CLSTN1: variants seen among roughly 807,000 people sequenced by gnomAD.
CLSTN1 encodes calsyntenin-1.
A neutral mutation model predicts 108.3 loss-of-function variants in CLSTN1; 28 were observed. The ratio of observed to expected loss-of-function variants is 0.26; its 90% CI spans 0.19 to 0.35. The LOEUF is 0.35. Ranked by LOEUF, CLSTN1 falls within the 10% of genes least tolerant of loss-of-function variation. CLSTN1 has a pLI of 1.00. For synonymous variants in CLSTN1, 524 were observed against 534.9 expected, an observed-to-expected ratio of 0.98 and a Z score of 0.28; for missense variants, 1,157 against 1,302.6, an observed-to-expected ratio of 0.89 and a Z score of 1.72.
intron 1 of CLSTN1, among the ~76,000 whole-genome samples, chr1:9,821,202 G>A (rs1655176765): frequency 6.6e-6 from 1 of 152,104 alleles, no homozygotes; most frequent in African/African-American, 2.4e-5. Context: ...GCGCAATCTC[G>A]GCTCACTGCA....
intron 1 of CLSTN1, among the ~76,000 whole-genome samples, chr1:9,774,964 C>A (rs1215250203): frequency 2.6e-5 from 4 of 152,160 alleles, no homozygotes; most frequent in African/African-American, 9.6e-5. Context: ...ACAGTAACTT[C>A]CTCACGTTGC....
chr1:9,801,744 T>C (rs928347620), intron 1 of CLSTN1, among the ~76,000 whole-genome samples: 5 of 152,202 alleles, frequency 3.3e-5, no homozygotes, highest in Admixed American at 1.3e-4. Flanking sequence ...TTAGTAGAGA[T>C]GCGGTTTCTC....
chr1:9,742,185 C>T (rs1651017514), intron 9 of CLSTN1, among the ~76,000 whole-genome samples: 1 of 151,930 alleles, frequency 6.6e-6, no homozygotes, highest in Non-Finnish European at 1.5e-5. Flanking sequence ...CATTGACTGG[C>T]TATTTGATCG....
Position 9,735,007 on chromosome 1 carries a change from A to G in CLSTN1, c.2051T>C (p.Ile684Thr). The change falls in exon 14 of 19, where the codon ATC becomes ACC. Residue 684 changes from isoleucine (I) to threonine (T), a missense_variant. Transcript: ENST00000377298. ...EGVFLFPELR[I>T]ISTITREVEP... ...CACTTCTCTCGTGATGGTGCTGATGATGCGAAGCTCAGGGAAAAGGAACAC... is the reference window on the plus strand; with the variant it reads ...CACTTCTCTCGTGATGGTGCTGATGGTGCGAAGCTCAGGGAAAAGGAACAC... The G allele has an allele frequency of 6.2e-7, 1 of 1,614,192 alleles. No individual in the cohort carries two copies. Among genetic ancestry groups the G allele is most frequent in the Non-Finnish European group, 8.5e-7 (1 of 1,180,042 alleles).
rs1557689056 is a variant in CLSTN1, at chr1:9,733,437, C to T, written c.2391G>A (p.Leu797=). The change falls in exon 16 of 19, where the codon CTG becomes CTA. Residue 797 remains leucine (L), a synonymous_variant. Coordinates refer to ENST00000377298, the MANE Select transcript of CLSTN1 (RefSeq NM_001009566.3). ...DRKFKLICSE[L]NGRYISNEFK... ...ATTCGTTGCTGATGTAGCGGCCATTCAGCTCTGAGCAGATGAGCTTAAACT... is the reference window on the plus strand; with the variant it reads ...ATTCGTTGCTGATGTAGCGGCCATTTAGCTCTGAGCAGATGAGCTTAAACT... The T allele has an allele frequency of 6.2e-7, 1 of 1,614,218 alleles. No individual in the cohort carries two copies. The highest frequency in any genetic ancestry group is 8.5e-7 in the Non-Finnish European group (1 of 1,180,038).
Position 9,729,160 on chromosome 1 carries a change from CAG to C in CLSTN1, c.*1346_*1347del, listed in dbSNP as rs1250129909. Reference sequence around the variant, plus strand: ...CGTGAGCGTCTGTCCGCTGTCTAAACAGAGCAGCTACAGGGACGGGACATGGA... The same window carrying C: ...CGTGAGCGTCTGTCCGCTGTCTAAACAGCAGCTACAGGGACGGGACATGGA... On this transcript the variant is annotated 3_prime_UTR_variant, in exon 19 of 19. Transcript: ENST00000377298. The C allele has an allele frequency of 6.6e-6, 1 of 152,268 alleles. No individual in the cohort carries two copies. Among genetic ancestry groups the C allele is most frequent in the African/African-American group, 2.4e-5 (1 of 41,448 alleles). 9.4% of individuals were successfully genotyped at this position (152,268 alleles called of 1,614,324 possible). A position where few individuals can be genotyped will look rare whatever the true frequency, so the allele number is the denominator to read the frequency against.
At chr1:9,731,084 G>T in intron 18 of CLSTN1, 122 bp downstream of exon 18, 1 of 1,189,016 alleles carries the variant, frequency 8.4e-7, no homozygotes, top group Non-Finnish European at 1.2e-6. Flanking sequence ...TAAGCCCCAG[G>T]CTTGCTGAGC....
chr1:9,809,242 AC>A (rs892069974), intron 1 of CLSTN1, among the ~76,000 whole-genome samples: 7 of 151,108 alleles, frequency 4.6e-5, no homozygotes, highest in Non-Finnish European at 7.4e-5. Flanking sequence ...TCAGACACAC[AC>A]CCCCCAGCCT....
chr1:9,816,037 C>T (rs1294605900), intron 1 of CLSTN1, among the ~76,000 whole-genome samples: 2 of 152,114 alleles, frequency 1.3e-5, no homozygotes, highest in Non-Finnish European at 2.9e-5. Flanking sequence ...AACATATGTC[C>T]ACACAAATTC....
rs975041533 is a variant in CLSTN1, at chr1:9,823,607, A to G, written c.91+36T>C. Reference sequence around the variant, plus strand: ...TCCTGCACCCGGACCCGAATCCCGCACCGACCCAGCGGCCCGGCCCAGCCC... The same window carrying G: ...TCCTGCACCCGGACCCGAATCCCGCGCCGACCCAGCGGCCCGGCCCAGCCC... On this transcript the variant is annotated intron_variant, in intron 1 of 18. Coordinates refer to ENST00000377298, the MANE Select transcript of CLSTN1 (RefSeq NM_001009566.3). This position sits in a 1 kb window ranked among gnomAD's most constrained non-coding sequence, Gnocchi z 6.3. 1 of 1,169,548 alleles carries G rather than the reference A, an allele frequency of 8.6e-7. No homozygotes were observed. The highest frequency in any genetic ancestry group is 1.6e-5 in the African/African-American group (1 of 62,026). 72.4% of individuals were successfully genotyped at this position (1,169,548 alleles called of 1,614,324 possible).
At chr1:9,787,441 T>C (rs1404739267) in intron 1 of CLSTN1, among the ~76,000 whole-genome samples, 2 of 147,400 alleles carry the variant, frequency 1.4e-5, no homozygotes, top group Non-Finnish European at 3.0e-5. Flanking sequence ...TCTCACTCTG[T>C]CGCCCAGCCT....
intron 3 of CLSTN1, 97 bp from the exon 4 acceptor site, chr1:9,755,406 GACA>G (rs760225137): frequency 8.6e-5 from 93 of 1,085,704 alleles, no homozygotes; most frequent in Non-Finnish European, 1.2e-4. Flanking sequence ...GAAAATAAAT[GACA>G]ACAATTTGGC....
At chr1:9,797,959 G>A (rs1233981480) in intron 1 of CLSTN1, among the ~76,000 whole-genome samples, 3 of 151,498 alleles carry the variant, frequency 2.0e-5, no homozygotes, top group Non-Finnish European at 4.4e-5. Flanking sequence ...CCAGGCGTGG[G>A]GGTACATGCC....
chr1:9,799,078 A>G (rs1004859046), intron 1 of CLSTN1, among the ~76,000 whole-genome samples: 1 of 151,776 alleles, frequency 6.6e-6, no homozygotes, highest in Non-Finnish European at 1.5e-5. Context: ...CTACTCAGGG[A>G]GCAGAGATGG....
intron 12 of CLSTN1, 71 bp from the exon 13 acceptor site, chr1:9,735,686 T>G: frequency 6.3e-7 from 1 of 1,590,096 alleles, no homozygotes. Flanking sequence ...CACAGATGCC[T>G]CCACAAAGGG....
At position 9,759,376 on chromosome 1, in the gene CLSTN1, C is replaced by T. The variant is rs190569637; in HGVS notation, c.215-2866G>A. Among the ~76,000 whole-genome samples, 425 of 152,224 alleles carry T rather than the reference C, an allele frequency of 2.8e-3. 2 individuals carry two copies. Among genetic ancestry groups the T allele is most frequent in the African/African-American group, 9.8e-3 (407 of 41,518 alleles). On this transcript the variant is annotated intron_variant, in intron 2 of 18. Transcript: ENST00000377298. ...CTGCAAGCTCCACCTCCCGGGTTCA[C>T]GCCATTCTCCCACCTCAGCCTCCCG...
chr1:9,790,051 T>C (rs1468676533), intron 1 of CLSTN1, among the ~76,000 whole-genome samples: 6 of 151,508 alleles, frequency 4.0e-5, no homozygotes, highest in Non-Finnish European at 5.9e-5. Context: ...TTATTTAATA[T>C]CATCAAATAC....
intron 1 of CLSTN1, among the ~76,000 whole-genome samples, chr1:9,811,998 G>A (rs764880481): frequency 2.6e-5 from 4 of 152,054 alleles, no homozygotes; most frequent in Admixed American, 6.6e-5. Flanking sequence ...TTAGCTGGGC[G>A]TGGTGGCATA....
At chr1:9,764,159 G>A (rs973365350) in intron 2 of CLSTN1, among the ~76,000 whole-genome samples, 1 of 151,840 alleles carries the variant, frequency 6.6e-6, no homozygotes, top group Non-Finnish European at 1.5e-5. Context: ...GGGGGAGGAG[G>A]AGGAGCAACC....
Sources: gnomAD v4.1 joint callset for allele counts (sites outside exome capture counted in the v4.1 genomes callset) on GRCh38, gnomAD v4.1.1 for gene constraint, Gnocchi (gnomAD v3.1) non-coding constraint, MANE v1.5 for transcripts, NCBI Gene and HGNC (gene_info 2026-07-23, HGNC 2026-07-21) for gene names.